GOLGA2: variants seen among roughly 807,000 people sequenced by gnomAD.
The protein encoded by GOLGA2 is golgin A2.
GOLGA2 carries 49 observed loss-of-function variants against 148.8 expected under a neutral mutation model. That is an observed-to-expected ratio of 0.33 (90% CI 0.26 to 0.42). The LOEUF (loss-of-function observed/expected upper bound fraction) is 0.42, where lower values mean the gene tolerates loss of function less well. Ranked by LOEUF, GOLGA2 falls within the 10% of genes least tolerant of loss-of-function variation. GOLGA2 has a pLI of 1.00. For missense variants in GOLGA2, 1,178 were observed against 1,304.6 expected, an observed-to-expected ratio of 0.90 and a Z score of 1.49; for synonymous variants, 501 against 511.8, an observed-to-expected ratio of 0.98 and a Z score of 0.28.
chr9:128,258,077 T>C lies in GOLGA2; in HGVS notation c.2411A>G (p.Lys804Arg). ...GGCTGGGGCTGCTGCCTCAGGCTCC[T>C]TCTGGGCCGAGGCCAGCAGGTGAGC... is the stretch of plus-strand genomic sequence containing the variant. The part of the protein sequence containing the change: ...RLAHLLASAQ[K>R]EPEAAAPAPG... Residue 804 changes from lysine (K) to arginine (R), a missense_variant, in exon 23 of 27, where the codon AAG (lysine) becomes AGG (arginine). By Grantham distance (26) the Lys-to-Arg change is conservative. Transcript: ENST00000611957. The surrounding 1 kb of genome is among the most constrained non-coding windows in gnomAD (Gnocchi z 6.6). 6.2e-7 allele frequency: 1 copy of C among 1,611,084 alleles called. No individual in the cohort carries two copies. The highest frequency in any genetic ancestry group is 1.1e-5 in the South Asian group (1 of 91,054).
At position 128,260,704 on chromosome 9, in the gene GOLGA2, C is replaced by T; in HGVS notation, c.1519G>A (p.Ala507Thr). ...EHLRKELEGL[A>T]GQLQAQVQDN... The stretch of plus-strand genomic sequence containing the variant: ...TGCACCTGGGCTTGAAGCTGTCCTG[C>T]CAGACCCTCCAGCTCCTTCCGCAGG... Residue 507 changes from alanine to threonine, a missense_variant, in exon 18 of 27, where the codon GCA (alanine) becomes ACA (threonine). Transcript: ENST00000611957. This position sits in a 1 kb window ranked among gnomAD's most constrained non-coding sequence, Gnocchi z 4.8. The T allele has an allele frequency of 3.1e-6, 5 of 1,613,490 alleles. No homozygotes were observed. The highest frequency in any genetic ancestry group is 3.4e-6 in the Non-Finnish European group (4 of 1,179,916).
intron 7 of GOLGA2, 39 bp from the exon 8 acceptor site, chr9:128,267,313 G>T (rs539131846): frequency 1.2e-5 from 18 of 1,468,256 alleles, no homozygotes; most frequent in Admixed American, 5.0e-5. Flanking sequence ...GAGGAGGATT[G>T]GGGGGAGAGG....
chr9:128,272,943 G>C (rs1831051863), intron 2 of GOLGA2, 78 bp from the exon 3 acceptor site: 5 of 453,974 alleles, frequency 1.1e-5, no homozygotes, highest in South Asian at 7.0e-5. Context: ...AGAAAGTCAG[G>C]GAAGGAGGAA....
At position 128,258,320 on chromosome 9, in the gene GOLGA2, T is replaced by C; in HGVS notation, c.2290-122A>G. The C allele has an allele frequency of 8.9e-7, 1 of 1,126,982 alleles. No individual in the cohort carries two copies. The highest frequency in any genetic ancestry group is 1.3e-6 in the Non-Finnish European group (1 of 763,472). 69.8% of individuals were successfully genotyped at this position (1,126,982 alleles called of 1,614,324 possible). A position where few individuals can be genotyped will look rare whatever the true frequency, so the allele number is the denominator to read the frequency against. On this transcript the variant is annotated intron_variant, in intron 22 of 26. Coordinates refer to ENST00000611957, the MANE Select transcript of GOLGA2 (RefSeq NM_001366244.2). This position sits in a 1 kb window ranked among gnomAD's most constrained non-coding sequence, Gnocchi z 6.6. ...CACTTGTTGGTCCCAAGTGAAATGG[T>C]GTCTCACCACTGGCTCCCAGGAAAG...
chr9:128,275,755 C>A (rs891881864), intron 1 of GOLGA2, 138 bp downstream of exon 1: 1 of 594,048 alleles, frequency 1.7e-6, no homozygotes, highest in Admixed American at 3.7e-5. Flanking sequence ...GCTGACAAGA[C>A]TTTGGTGGAG....
At chr9:128,274,653 C>T (rs1230936354) in intron 1 of GOLGA2, among the ~76,000 whole-genome samples, 2 of 152,176 alleles carry the variant, frequency 1.3e-5, no homozygotes, top group Non-Finnish European at 2.9e-5. Context: ...TCAATGTATC[C>T]ACATGGCAGA....
rs770034806 is a variant in GOLGA2 at position 128,260,609 on chromosome 9, G to T, written c.1614C>A (p.Ala538=). The T allele has an allele frequency of 2.5e-6, 4 of 1,611,234 alleles. No individual in the cohort carries two copies. Among genetic ancestry groups the T allele is most frequent in the Non-Finnish European group, 3.4e-6 (4 of 1,179,952 alleles). Reference sequence around the variant, plus strand: ...CCTCCGCCTGCTCCCCCCAGAGCTCGGCCGCCCGCTCCAGCTCCAGCAGCC... The same window carrying T: ...CCTCCGCCTGCTCCCCCCAGAGCTCTGCCGCCCGCTCCAGCTCCAGCAGCC... The part of the protein sequence containing the change: ...EERLLELERA[A]ELWGEQAEAR... The change falls in exon 18 of 27, where the codon GCC becomes GCA. Residue 538 remains alanine, a synonymous_variant. Transcript: ENST00000611957. The surrounding 1 kb of genome is among the most constrained non-coding windows in gnomAD (Gnocchi z 4.8).
chr9:128,275,371 G>C, intron 1 of GOLGA2: 1 of 1,279,430 alleles, frequency 7.8e-7, no homozygotes, highest in Admixed American at 3.9e-5. Flanking sequence ...CACTCCTAGG[G>C]GGAACATCAG....
chr9:128,258,260 A>G lies in GOLGA2; in HGVS notation c.2290-62T>C. 1 of 1,345,238 alleles carries G rather than the reference A, an allele frequency of 7.4e-7. No homozygotes were observed. The highest frequency in any genetic ancestry group is 1.0e-6 in the Non-Finnish European group (1 of 970,228). The allele number at this position is 1,345,238 out of a possible 1,614,324, so 83.3% of individuals were successfully genotyped here. On this transcript the variant is annotated intron_variant, in intron 22 of 26. Coordinates refer to ENST00000611957, the MANE Select transcript of GOLGA2 (RefSeq NM_001366244.2). The surrounding 1 kb of genome is among the most constrained non-coding windows in gnomAD (Gnocchi z 6.6). ...TATAGGATGAACAGGGCAGGGAGGT[A>G]GAGAGCAGCCCTTCCCTTGGGGCCT... is the stretch of plus-strand genomic sequence containing the variant.
At chr9:128,272,678 G>A (rs529666701) in intron 3 of GOLGA2, 107 bp downstream of exon 3, 25 of 265,676 alleles carry the variant, frequency 9.4e-5, no homozygotes, top group Non-Finnish European at 1.6e-4. Context: ...GTTAATGGCA[G>A]CAACATAAAA....
intron 3 of GOLGA2, among the ~76,000 whole-genome samples, chr9:128,270,061 G>C (rs937564395): frequency 2.0e-5 from 3 of 151,942 alleles, no homozygotes; most frequent in African/African-American, 7.3e-5. Context: ...TAGGCTTTAG[G>C]GCCCTCCTGG....
Position 128,259,251 on chromosome 9 carries a change from G to A in GOLGA2, c.2013C>T (p.Thr671=). 8 of 1,605,112 alleles carry A rather than the reference G, an allele frequency of 5.0e-6. No individual in the cohort carries two copies. The highest frequency in any genetic ancestry group is 6.8e-6 in the Non-Finnish European group (8 of 1,175,898). The change falls in exon 20 of 27, where the codon ACC becomes ACT. Residue 671 remains threonine, a synonymous_variant. Transcript: ENST00000611957. The part of the protein sequence containing the change: ...EVLHNQLLLQ[T]QLVDQLQQQE... ...GCTGCTGCAGCTGGTCCACGAGCTG[G>A]GTCTGCAGCAGTAGCTGATTATGCA...
At chr9:128,269,930 T>C (rs1024044043) in intron 3 of GOLGA2, among the ~76,000 whole-genome samples, 7 of 152,180 alleles carry the variant, frequency 4.6e-5, no homozygotes, top group African/African-American at 1.7e-4. Context: ...ACTGTGACCA[T>C]GGAACCTGGT....
In GOLGA2 at chr9:128,263,089, T is replaced by C; in HGVS notation, c.937A>G (p.Asn313Asp). 1 of 1,605,448 alleles carries C rather than the reference T, an allele frequency of 6.2e-7. No individual in the cohort carries two copies. Among genetic ancestry groups the C allele is most frequent in the South Asian group, 1.1e-5 (1 of 90,916 alleles). The change falls in exon 13 of 27, where the codon AAC becomes GAC. Residue 313 changes from asparagine (N) to aspartate (D), a missense_variant. Around this residue, in one of 5 missense-constraint regions of GOLGA2, gnomAD observed 304 missense variants for 404.1 expected, o/e 0.75. Coordinates refer to ENST00000611957, the MANE Select transcript of GOLGA2 (RefSeq NM_001366244.2). The stretch of plus-strand genomic sequence containing the variant: ...TCTCTCTCTTTGGTTAACTCCTTGT[T>C]GTACTGTAAATACAGAAAGGTTAAG... ...STQQKKADRY[N>D]KELTKERDAL...
Position 128,260,435 on chromosome 9 carries a change from AG to A in GOLGA2, c.1758+29del. 1 of 1,555,034 alleles carries A rather than the reference AG, an allele frequency of 6.4e-7. No individual in the cohort carries two copies. Among genetic ancestry groups the A allele is most frequent in the Non-Finnish European group, 8.8e-7 (1 of 1,132,828 alleles). On this transcript the variant is annotated intron_variant, in intron 18 of 26. Coordinates refer to ENST00000611957, the MANE Select transcript of GOLGA2 (RefSeq NM_001366244.2). This position sits in a 1 kb window ranked among gnomAD's most constrained non-coding sequence, Gnocchi z 4.8. ...ACAAAGGTCTGGAGGGCTAGGGAGG[AG>A]GGCGGGCTCTCCAGGTGGGGCAGCG...
intron 6 of GOLGA2, 31 bp downstream of exon 6, chr9:128,267,901 CCA>C (rs755485373): frequency 6.1e-5 from 94 of 1,534,330 alleles, no homozygotes; most frequent in Non-Finnish European, 7.6e-5. Flanking sequence ...TCCCTTCCCC[CCA>C]CCCCGCTCTC....
In GOLGA2 at chr9:128,272,819, T is replaced by A; in HGVS notation, c.254A>T (p.Asn85Ile). ...KVLVSDLNRS[N>I]GVALPPLDKW... ...GTCCAATGGGGGGAGCGCTACCCCA[T>A]TGGAACGGTTAAGGTCGGACACCAG... The change falls in exon 3 of 27, where the codon AAT becomes ATT. Residue 85 changes from asparagine to isoleucine, a missense_variant. By Grantham distance (149) the Asn-to-Ile change is moderately radical. This residue lies in a region of GOLGA2 where 158 missense variants were observed against 156.6 expected (regional missense o/e 1.01). Coordinates refer to ENST00000611957, the MANE Select transcript of GOLGA2 (RefSeq NM_001366244.2). 1.6e-6 allele frequency: 2 copies of A among 1,281,654 alleles called. No individual in the cohort carries two copies. The highest frequency in any genetic ancestry group is 5.6e-5 in the East Asian group (1 of 17,852). 79.4% of individuals were successfully genotyped at this position (1,281,654 alleles called of 1,614,324 possible). A position where few individuals can be genotyped will look rare whatever the true frequency, so the allele number is the denominator to read the frequency against.
In GOLGA2 at chr9:128,260,555, C is replaced by G. The variant is rs1830198308; in HGVS notation, c.1668G>C (p.Gln556His). ...EARRQILETM[Q>H]NDRTTISRAL... ...CGCGGCTGATGGTAGTGCGGTCGTT[C>G]TGCATGGTCTCCAGGATTTGCCTGC... is the stretch of plus-strand genomic sequence containing the variant. Residue 556 changes from glutamine to histidine, a missense_variant, in exon 18 of 27, where the codon CAG becomes CAC. Physicochemically the swap from Gln to His is conservative, Grantham distance 24. Coordinates refer to ENST00000611957, the MANE Select transcript of GOLGA2 (RefSeq NM_001366244.2). The surrounding 1 kb of genome is among the most constrained non-coding windows in gnomAD (Gnocchi z 4.8). 1.2e-6 allele frequency: 2 copies of G among 1,612,916 alleles called. No homozygotes were observed. Among genetic ancestry groups the G allele is most frequent in the Non-Finnish European group, 1.7e-6 (2 of 1,180,014 alleles).
chr9:128,261,351 G>C lies in GOLGA2; in HGVS notation c.1333-92C>G. ...TCTGCCCCCACCGCCACAAAGCCCA[G>C]ACCCATGACCACCTCTGGCTGTGCT... On this transcript the variant is annotated intron_variant, in intron 16 of 26. Coordinates refer to ENST00000611957, the MANE Select transcript of GOLGA2 (RefSeq NM_001366244.2). The surrounding 1 kb of genome is among the most constrained non-coding windows in gnomAD (Gnocchi z 5.7). 8.1e-7 allele frequency: 1 copy of C among 1,233,534 alleles called. No individual in the cohort carries two copies. Among genetic ancestry groups the C allele is most frequent in the African/African-American group, 1.5e-5 (1 of 66,984 alleles). The allele number at this position is 1,233,534 out of a possible 1,614,324, so 76.4% of individuals were successfully genotyped here. A position where few individuals can be genotyped will look rare whatever the true frequency, so the allele number is the denominator to read the frequency against.
Sources: gnomAD v4.1 joint callset for allele counts (sites outside exome capture counted in the v4.1 genomes callset) on GRCh38, gnomAD v4.1.1 for gene constraint, gnomAD v4.1.1 regional missense constraint, Gnocchi (gnomAD v3.1) non-coding constraint, MANE v1.5 for transcripts, NCBI Gene and HGNC (gene_info 2026-07-23, HGNC 2026-07-21) for gene names.